Variants in PPARGC1B observed in about 807,000 individuals in gnomAD.
PPARGC1B encodes the protein peroxisome proliferator-activated receptor gamma coactivator 1-beta.
Under a neutral mutation model 101.6 loss-of-function variants are expected in PPARGC1B, and 34 were observed. The observed-to-expected ratio is 0.33, with a 90% CI of 0.25 to 0.45. The LOEUF (loss-of-function observed/expected upper bound fraction) is 0.45, where lower values mean the gene tolerates loss of function less well. PPARGC1B is among the 20% of genes least tolerant of loss of function. The pLI, the probability that PPARGC1B is intolerant of heterozygous loss-of-function variation, is 1.00. For missense variants in PPARGC1B, 1,234 were observed against 1,317.6 expected, an observed-to-expected ratio of 0.94 and a Z score of 0.98; for synonymous variants, 548 against 539.3, an observed-to-expected ratio of 1.02 and a Z score of -0.22.
At chr5:149,815,683 A>T (rs1044290923) in intron 1 of PPARGC1B, among the ~76,000 whole-genome samples, 2 of 152,066 alleles carry the variant, frequency 1.3e-5, no homozygotes, top group Non-Finnish European at 2.9e-5. Flanking sequence ...AGTAGCTGGG[A>T]TTACAGGCAC....
intron 1 of PPARGC1B, among the ~76,000 whole-genome samples, chr5:149,753,491 A>G (rs968981287): frequency 1.4e-4 from 21 of 152,224 alleles, no homozygotes; most frequent in African/African-American, 5.1e-4. Context: ...TACTAAAGGC[A>G]TGAGCCACTG....
rs772806158 is a variant in PPARGC1B, at chr5:149,730,318, C to T, written c.-25C>T. ...CGGGCCGGCTCGGCGTTGACTCCGC[C>T]GCACGCTGCAGCCGCGGCTGGAAGA... On this transcript the variant is annotated 5_prime_UTR_variant, in exon 1 of 12. Coordinates refer to ENST00000309241, the MANE Select transcript of PPARGC1B (RefSeq NM_133263.4). This position sits in a 1 kb window ranked among gnomAD's most constrained non-coding sequence, Gnocchi z 4.0. 2.6e-6 allele frequency: 4 copies of T among 1,531,934 alleles called. No homozygotes were observed. The highest frequency in any genetic ancestry group is 2.9e-5 in the African/African-American group (2 of 70,110). 94.9% of individuals were successfully genotyped at this position (1,531,934 alleles called of 1,614,324 possible).
chr5:149,763,599 C>G (rs1335792310), intron 1 of PPARGC1B, among the ~76,000 whole-genome samples: 7 of 139,498 alleles, frequency 5.0e-5, no homozygotes, highest in Admixed American at 1.5e-4. Flanking sequence ...GGTGTGATCA[C>G]AGCTCACTGC....
At chr5:149,842,514 G>A in intron 10 of PPARGC1B, 137 bp downstream of exon 10, 1 of 1,248,306 alleles carries the variant, frequency 8.0e-7, no homozygotes, top group Non-Finnish European at 1.1e-6. Flanking sequence ...GGAAAGCCAG[G>A]CCCATGAGAA....
chr5:149,812,309 A>C (rs1388415532), intron 1 of PPARGC1B, among the ~76,000 whole-genome samples: 2 of 152,134 alleles, frequency 1.3e-5, no homozygotes, highest in Non-Finnish European at 2.9e-5. Context: ...TGTGGCTTTG[A>C]GTCTGATTTC....
At chr5:149,806,715 C>G (rs965080241) in intron 1 of PPARGC1B, among the ~76,000 whole-genome samples, 3 of 151,654 alleles carry the variant, frequency 2.0e-5, no homozygotes, top group African/African-American at 7.3e-5. Flanking sequence ...TCCAGCGATT[C>G]TCCCGCCTCA....
At chr5:149,742,191 C>G (rs1224134221) in intron 1 of PPARGC1B, among the ~76,000 whole-genome samples, 1 of 152,152 alleles carries the variant, frequency 6.6e-6, no homozygotes, top group Admixed American at 6.5e-5. Flanking sequence ...CTAGGCCAAC[C>G]CAGAGTTTGT....
At chr5:149,820,672 C>CTGCCCTG in intron 2 of PPARGC1B, 66 bp downstream of exon 2, 1 of 1,445,570 alleles carries the variant, frequency 6.9e-7, no homozygotes, top group Non-Finnish European at 9.5e-7. Context: ...AATCCCGGCT[C>CTGCCCTG]TGCCCTGCTC....
intron 2 of PPARGC1B, among the ~76,000 whole-genome samples, chr5:149,823,950 A>C (rs993015241): frequency 1.3e-5 from 2 of 152,020 alleles, no homozygotes; most frequent in African/African-American, 4.8e-5. Context: ...TCACTGTGTG[A>C]CCTTGAAAGG....
In PPARGC1B at chr5:149,799,621, G is replaced by T. The variant is rs142974451; in HGVS notation, c.79-20812G>T. ...GAGACTGGAGGAAGGAGAAGCTGGG[G>T]CATTCAGGGCAGGCTCCATCAGGGA... On this transcript the variant is annotated intron_variant, in intron 1 of 11. Transcript: ENST00000309241. Among the ~76,000 whole-genome samples, 17 of 152,064 alleles carry T rather than the reference G, an allele frequency of 1.1e-4. No homozygotes were observed. In the East Asian group the frequency reaches 2.3e-3, roughly 21 times the overall value.
At chr5:149,803,217 T>C (rs1177973141) in intron 1 of PPARGC1B, among the ~76,000 whole-genome samples, 1 of 152,108 alleles carries the variant, frequency 6.6e-6, no homozygotes. Context: ...AGGATTCAGG[T>C]TGTGACTCCC....
chr5:149,804,996 C>T (rs571805803), intron 1 of PPARGC1B, among the ~76,000 whole-genome samples: 1 of 152,136 alleles, frequency 6.6e-6, no homozygotes, highest in Non-Finnish European at 1.5e-5. Context: ...GGAGAGTGAG[C>T]GATGAGCCCT....
At chr5:149,767,749 CTT>C (rs948871072) in intron 1 of PPARGC1B, among the ~76,000 whole-genome samples, 1 of 151,580 alleles carries the variant, frequency 6.6e-6, no homozygotes, top group Admixed American at 6.6e-5. Context: ...CTGGAACTCT[CTT>C]TTGTCTACAC....
chr5:149,794,918 T>TGAGG (rs1388622032), intron 1 of PPARGC1B, among the ~76,000 whole-genome samples: 1 of 152,224 alleles, frequency 6.6e-6, no homozygotes, highest in Non-Finnish European at 1.5e-5. Context: ...GTGGGTCCTG[T>TGAGG]GAGGGGGCCA....
intron 1 of PPARGC1B, chr5:149,771,881 T>G: frequency 1.5e-6 from 1 of 673,910 alleles, no homozygotes; most frequent in African/African-American, 1.9e-5. Flanking sequence ...CCATGGCCAA[T>G]TTCATCCTGT....
At position 149,852,955 on chromosome 5, in the gene PPARGC1B, A is replaced by G. The variant is rs1302059851; in HGVS notation, c.*5397A>G. ...CATCCGGAAGGAGTACAAAAATCCA[A>G]CTGCCCAAATTTGGGGCTTGGAAAA... On this transcript the variant is annotated 3_prime_UTR_variant, in exon 12 of 12. Transcript: ENST00000309241. 1.3e-5 allele frequency: 2 copies of G among 152,124 alleles called. No homozygotes were observed. The highest frequency in any genetic ancestry group is 4.8e-5 in the African/African-American group (2 of 41,418). 9.4% of individuals were successfully genotyped at this position (152,124 alleles called of 1,614,324 possible). A position where few individuals can be genotyped will look rare whatever the true frequency, so the allele number is the denominator to read the frequency against.
rs1289427910 is a variant in PPARGC1B, at chr5:149,832,137, T to C, written c.583-519T>C. ...GCCTGGCCAACGTGGTGAAACCTTG[T>C]CTCTACTAAAAAATACAAAAAATTA... On this transcript the variant is annotated intron_variant, in intron 4 of 11. Transcript: ENST00000309241. The surrounding 1 kb of genome is among the most constrained non-coding windows in gnomAD (Gnocchi z 4.9). 6.6e-6 allele frequency among the ~76,000 whole-genome samples: 1 copy of C among 151,946 alleles called. No homozygotes were observed. Among genetic ancestry groups the C allele is most frequent in the East Asian group, 1.9e-4 (1 of 5,170 alleles).
intron 4 of PPARGC1B, among the ~76,000 whole-genome samples, chr5:149,831,775 A>T (rs933325846): frequency 6.6e-6 from 1 of 152,202 alleles, no homozygotes; most frequent in African/African-American, 2.4e-5. Flanking sequence ...CCCAGTGTGG[A>T]CAAGCGGGGC....
intron 1 of PPARGC1B, among the ~76,000 whole-genome samples, chr5:149,798,848 G>T (rs1412352433): frequency 6.6e-6 from 1 of 152,192 alleles, no homozygotes; most frequent in East Asian, 1.9e-4. Flanking sequence ...GTATAAACAA[G>T]ATGTCCATAA....
Sources: allele counts gnomAD v4.1 joint callset (sites outside exome capture counted in the v4.1 genomes callset), GRCh38; gene constraint gnomAD v4.1.1; non-coding constraint Gnocchi (gnomAD v3.1); transcripts MANE v1.5; gene names NCBI Gene and HGNC (gene_info 2026-07-23, HGNC 2026-07-21).